ANKRD11: variants seen among roughly 807,000 people sequenced by gnomAD.
ANKRD11 encodes the protein ankyrin repeat domain-containing protein 11.
ANKRD11 carries 17 observed loss-of-function variants against 195.7 expected under a neutral mutation model. That is an observed-to-expected ratio of 0.09 (90% CI 0.06 to 0.13). The LOEUF is 0.13. Ranked by LOEUF, ANKRD11 falls within the 10% of genes least tolerant of loss-of-function variation. ANKRD11 has a pLI of 1.00. For synonymous variants in ANKRD11, 1,953 were observed against 1,528.1 expected (o/e 1.28, Z -6.49); for missense variants, 3,735 against 3,566.1 (o/e 1.05, Z -1.21).
In ANKRD11 at chr16:89,275,033, G is replaced by A. The variant is rs887675042; in HGVS notation, c.7569+60C>T. 5 of 1,612,762 alleles carry A rather than the reference G, an allele frequency of 3.1e-6. No individual in the cohort carries two copies. The African/African-American group carries it at 6.7e-5, about 22-fold the overall frequency. ...CCCACTGTCAACACGACAGCCCCTG[G>A]GGCCTGCGCCGTGAAAAGCCCTGGC... On this transcript the variant is annotated intron_variant, in intron 10 of 12. Coordinates refer to ENST00000301030, the MANE Select transcript of ANKRD11 (RefSeq NM_013275.6).
At chr16:89,386,511 G>T (rs1254355506) in intron 2 of ANKRD11, among the ~76,000 whole-genome samples, 2 of 152,190 alleles carry the variant, frequency 1.3e-5, no homozygotes, top group Non-Finnish European at 2.9e-5. Flanking sequence ...ATGAGGGTGT[G>T]GGGGAAAGGG....
chr16:89,468,900 G>C (rs946578365), intron 1 of ANKRD11, among the ~76,000 whole-genome samples: 3 of 152,154 alleles, frequency 2.0e-5, no homozygotes, highest in African/African-American at 7.2e-5. Flanking sequence ...AGGAATACAT[G>C]ATTGGTTAAA....
intron 2 of ANKRD11, among the ~76,000 whole-genome samples, chr16:89,338,048 C>T (rs984602679): frequency 6.6e-6 from 1 of 152,218 alleles, no homozygotes; most frequent in Non-Finnish European, 1.5e-5. Context: ...TCCCTACACA[C>T]CAGGACCACT....
rs1271752527 is a variant in ANKRD11 at position 89,283,164 on chromosome 16, G to C, written c.3378C>G (p.Asp1126Glu). The change falls in exon 9 of 13, where the codon GAC (aspartate) becomes GAG (glutamate). Residue 1126 changes from aspartate (D) to glutamate (E), a missense_variant. Coordinates refer to ENST00000301030, the MANE Select transcript of ANKRD11 (RefSeq NM_013275.6). This position sits in a 1 kb window ranked among gnomAD's most constrained non-coding sequence, Gnocchi z 4.3. Reference sequence around the variant, plus strand: ...ACCCGCTCCCCATGCAGCTGTCTCTGTCGTCCTCACTCTCATCTGTGAAGA... The same window carrying C: ...ACCCGCTCCCCATGCAGCTGTCTCTCTCGTCCTCACTCTCATCTGTGAAGA... ...ADIFTDESED[D>E]RDSCMGSGFK... 1 of 1,614,000 alleles carries C rather than the reference G, an allele frequency of 6.2e-7. No individual in the cohort carries two copies. The highest frequency in any genetic ancestry group is 1.7e-5 in the Admixed American group (1 of 60,016).
At chr16:89,312,749 GCT>G (rs946285735) in intron 3 of ANKRD11, among the ~76,000 whole-genome samples, 1 of 152,206 alleles carries the variant, frequency 6.6e-6, no homozygotes, top group African/African-American at 2.4e-5. Context: ...GGAGTTCTGG[GCT>G]CTGTTCTGAG....
intron 2 of ANKRD11, among the ~76,000 whole-genome samples, chr16:89,360,289 G>A (rs567102787): frequency 8.5e-5 from 13 of 152,126 alleles, no homozygotes; most frequent in African/African-American, 3.1e-4. Context: ...TAGGGATGGG[G>A]CTTCACTATG....
chr16:89,490,012 G>A (rs1401165505), intron 1 of ANKRD11, among the ~76,000 whole-genome samples: 106 of 81,770 alleles, frequency 1.3e-3, no homozygotes, highest in African/African-American at 3.6e-3. Flanking sequence ...GGCCCCCAAA[G>A]ACCCCCGGCT....
chr16:89,476,250 C>G (rs2057253922), intron 1 of ANKRD11, among the ~76,000 whole-genome samples: 1 of 152,134 alleles, frequency 6.6e-6, no homozygotes, highest in Non-Finnish European at 1.5e-5. Flanking sequence ...CTTTGCCTAT[C>G]TTTGACATCC....
chr16:89,404,037 T>C (rs1292320311), intron 2 of ANKRD11, among the ~76,000 whole-genome samples: 1 of 152,192 alleles, frequency 6.6e-6, no homozygotes, highest in Non-Finnish European at 1.5e-5. Context: ...GGCAAACTTA[T>C]AACTAAAATT....
intron 4 of ANKRD11, among the ~76,000 whole-genome samples, chr16:89,295,462 C>T (rs1043742489): frequency 1.3e-5 from 2 of 152,240 alleles, no homozygotes; most frequent in African/African-American, 4.8e-5. Context: ...CACCTCACTA[C>T]CCAGCTGGCC....
At chr16:89,269,323 T>C (rs754564270) in intron 12 of ANKRD11, among the ~76,000 whole-genome samples, 19 of 152,140 alleles carry the variant, frequency 1.2e-4, no homozygotes, top group Non-Finnish European at 2.5e-4. Flanking sequence ...AGCTGATTTT[T>C]GTAGAGATGG....
intron 1 of ANKRD11, among the ~76,000 whole-genome samples, chr16:89,472,502 A>C (rs2057120460): frequency 6.6e-6 from 1 of 152,212 alleles, no homozygotes; most frequent in African/African-American, 2.4e-5. Context: ...AGTCACCAGC[A>C]CATCACACTC....
chr16:89,453,524 G>C (rs963174373), intron 1 of ANKRD11, among the ~76,000 whole-genome samples: 9 of 152,164 alleles, frequency 5.9e-5, no homozygotes, highest in African/African-American at 1.9e-4. Flanking sequence ...TGCCTGCTAA[G>C]GTGTCCCCTA....
At chr16:89,308,889 C>G (rs62070789) in intron 3 of ANKRD11, among the ~76,000 whole-genome samples, 1 of 152,142 alleles carries the variant, frequency 6.6e-6, no homozygotes, top group African/African-American at 2.4e-5. Context: ...GCAGTAAACA[C>G]AGGAGGTGCG....
intron 2 of ANKRD11, among the ~76,000 whole-genome samples, chr16:89,396,261 G>C (rs1000211961): frequency 5.9e-5 from 9 of 152,316 alleles, no homozygotes; most frequent in African/African-American, 2.2e-4. Flanking sequence ...CACGTCGGGA[G>C]ATGCACACGA....
At chr16:89,289,298 G>C (rs557524312) in intron 6 of ANKRD11, among the ~76,000 whole-genome samples, 1 of 152,130 alleles carries the variant, frequency 6.6e-6, no homozygotes, top group East Asian at 1.9e-4. Flanking sequence ...AAAAAAAAAG[G>C]TGCTAAATTA....
At position 89,284,545 on chromosome 16, in the gene ANKRD11, T is replaced by G. The variant is rs780869362; in HGVS notation, c.1997A>C (p.Gln666Pro). ...TAACAGTATAGCCTTATCTGACTTC[T>G]GCTTGGAGTCCTCATATTCGTAAGT... is the stretch of plus-strand genomic sequence containing the variant. ...SFTYEYEDSK[Q>P]KSDKAILLEN... The change falls in exon 9 of 13, where the codon CAG becomes CCG. Residue 666 changes from glutamine (Q) to proline (P), a missense_variant. Transcript: ENST00000301030. 6.2e-7 allele frequency: 1 copy of G among 1,614,192 alleles called. No individual in the cohort carries two copies. Among genetic ancestry groups the G allele is most frequent in the Non-Finnish European group, 8.5e-7 (1 of 1,180,038 alleles).
intron 2 of ANKRD11, among the ~76,000 whole-genome samples, chr16:89,367,726 G>A (rs1054296747): frequency 2.9e-4 from 44 of 152,180 alleles, no homozygotes; most frequent in African/African-American, 2.4e-5. Context: ...ACAGCTCCAC[G>A]CATCCCATCC....
chr16:89,276,263 A>G (rs1027163703), intron 9 of ANKRD11, among the ~76,000 whole-genome samples: 3 of 152,246 alleles, frequency 2.0e-5, no homozygotes, highest in Non-Finnish European at 4.4e-5. Context: ...GCACAGCTCC[A>G]GTTAGCGGAC....
Sources: gnomAD v4.1 joint callset for allele counts (sites outside exome capture counted in the v4.1 genomes callset) on GRCh38, gnomAD v4.1.1 for gene constraint, Gnocchi (gnomAD v3.1) non-coding constraint, MANE v1.5 for transcripts, NCBI Gene and HGNC (gene_info 2026-07-23, HGNC 2026-07-21) for gene names.